Variants in NCOA1 observed in about 807,000 individuals in gnomAD.
NCOA1 encodes nuclear receptor coactivator 1, also known as Hin-2 protein.
In NCOA1, 35 loss-of-function variants were observed where a neutral mutation model predicts 150.9. The observed-to-expected ratio is 0.23, with a 90% confidence interval of 0.18 to 0.31. The LOEUF (loss-of-function observed/expected upper bound fraction) is 0.31, where lower values mean the gene tolerates loss of function less well. Ranked by LOEUF, NCOA1 falls within the 10% of genes least tolerant of loss-of-function variation. The pLI, the probability that NCOA1 is intolerant of heterozygous loss-of-function variation, is 1.00. For missense variants in NCOA1, 1,491 were observed against 1,749.3 expected, an observed-to-expected ratio of 0.85 and a Z score of 2.63; for synonymous variants, 590 against 630.0, an observed-to-expected ratio of 0.94 and a Z score of 0.95.
At position 24,691,597 on chromosome 2, in the gene NCOA1, C is replaced by T. The variant is rs1028453777; in HGVS notation, c.649C>T (p.Arg217Cys). 1.6e-5 allele frequency: 26 copies of T among 1,613,906 alleles called. No individual in the cohort carries two copies. Among genetic ancestry groups the T allele is most frequent in the Non-Finnish European group, 2.2e-5 (26 of 1,179,982 alleles). Residue 217 changes from arginine (R) to cysteine (C), a missense_variant, in exon 9 of 23, where the codon CGT becomes TGT. Around this residue, in one of 8 missense-constraint regions of NCOA1, gnomAD observed 99 missense variants for 122.8 expected, o/e 0.81. Transcript: ENST00000348332. ...GACCGAGAACCAAGAAGCTTGCCAG[C>T]GTTATGAAGTAATGCAGTGTTTCAC... ...PGTENQEACQ[R>C]YEVMQCFTVS...
In NCOA1 at chr2:24,683,350, A is replaced by G. The variant is rs569916238; in HGVS notation, c.532+222A>G. ...AGTATTCCTTTCAGCTTCTTCCTTTATACTGTGTGAATTGTTTTCAATTTT... is the reference window on the plus strand; with the variant it reads ...AGTATTCCTTTCAGCTTCTTCCTTTGTACTGTGTGAATTGTTTTCAATTTT... On this transcript the variant is annotated intron_variant, in intron 8 of 22. Coordinates refer to ENST00000348332, the MANE Select transcript of NCOA1 (RefSeq NM_003743.5). 2.6e-5 allele frequency among the ~76,000 whole-genome samples: 4 copies of G among 152,256 alleles called. No individual in the cohort carries two copies. In the East Asian group the frequency reaches 7.7e-4, roughly 29 times the overall value.
chr2:24,672,773 A>G (rs1198686960), intron 6 of NCOA1, among the ~76,000 whole-genome samples: 1 of 152,236 alleles, frequency 6.6e-6, no homozygotes, highest in East Asian at 1.9e-4. Context: ...TTGGTTAACT[A>G]GTCTGACAGA....
At chr2:24,509,804 G>T (rs542797268) in intron 1 of NCOA1, among the ~76,000 whole-genome samples, 1 of 152,100 alleles carries the variant, frequency 6.6e-6, no homozygotes, top group South Asian at 2.1e-4. Context: ...TTTCTAAAAG[G>T]ACAAATATTT....
At chr2:24,737,805 C>G in intron 17 of NCOA1, among the ~76,000 whole-genome samples, 1 of 152,314 alleles carries the variant, frequency 6.6e-6, no homozygotes, top group African/African-American at 2.4e-5. Context: ...CAATAGGGAA[C>G]GGAACTCCTA....
intron 3 of NCOA1, among the ~76,000 whole-genome samples, chr2:24,593,152 G>A (rs1035007039): frequency 6.6e-6 from 1 of 152,258 alleles, no homozygotes; most frequent in African/African-American, 2.4e-5. Flanking sequence ...CAGAGGGCCA[G>A]AGTAAGTAAT....
intron 7 of NCOA1, among the ~76,000 whole-genome samples, chr2:24,678,344 A>T (rs1346424497): frequency 1.3e-5 from 2 of 152,210 alleles, no homozygotes; most frequent in African/African-American, 4.8e-5. Flanking sequence ...TGCTGTGATG[A>T]ACATACATGT....
chr2:24,747,134 G>GTCA (rs1034542074), intron 19 of NCOA1, among the ~76,000 whole-genome samples: 4 of 151,706 alleles, frequency 2.6e-5, no homozygotes, highest in Admixed American at 6.6e-5. Flanking sequence ...CCACAAAAAA[G>GTCA]TCATCTTCTA....
At position 24,672,534 on chromosome 2, in the gene NCOA1, A is replaced by G. The variant is rs115610508; in HGVS notation, c.257-832A>G. ...CTCACCCTCCTGAGTAGCTAGGATT[A>G]CAAGCATGCACCACCACACCTAGCT... On this transcript the variant is annotated intron_variant, in intron 6 of 22. Transcript: ENST00000348332. Among the ~76,000 whole-genome samples the G allele has an allele frequency of 8.6e-3, 1,306 of 152,182 alleles. 6 individuals carry two copies. Among genetic ancestry groups the G allele is most frequent in the Non-Finnish European group, 0.015 (1,014 of 67,996 alleles).
intron 3 of NCOA1, among the ~76,000 whole-genome samples, chr2:24,586,449 T>C (rs1421007062): frequency 6.6e-6 from 1 of 151,980 alleles, no homozygotes; most frequent in Non-Finnish European, 1.5e-5. Context: ...TGCAGTGGCA[T>C]GATCTGGGCT....
At position 24,628,168 on chromosome 2, in the gene NCOA1, C is replaced by T. The variant is rs553936365; in HGVS notation, c.-174-15798C>T. Among the ~76,000 whole-genome samples the T allele has an allele frequency of 8.5e-5, 13 of 152,096 alleles. No homozygotes were observed. In the South Asian group the frequency reaches 1.9e-3, roughly 22 times the overall value. ...TACAAAAATTAGCTGGGTGTGGTGG[C>T]GGACGCCTGTAACTCCAGCTACTTG... On this transcript the variant is annotated intron_variant, in intron 3 of 22. Transcript: ENST00000348332.
At chr2:24,711,288 A>AT in intron 14 of NCOA1, 177 bp downstream of exon 14, 1 of 571,706 alleles carries the variant, frequency 1.7e-6, no homozygotes, top group Non-Finnish European at 2.8e-6. Flanking sequence ...CATCATGTGT[A>AT]TTTTAAATTA....
intron 17 of NCOA1, among the ~76,000 whole-genome samples, chr2:24,739,131 TG>T (rs1427805997): frequency 6.6e-5 from 10 of 152,140 alleles, no homozygotes; most frequent in South Asian, 2.1e-4. Flanking sequence ...ACTATTAACA[TG>T]TTTTTTTGTT....
intron 1 of NCOA1, chr2:24,492,152 G>C (rs1299216883): frequency 3.9e-5 from 6 of 152,192 alleles, no homozygotes. Flanking sequence ...ACCCCGGCGC[G>C]CTTGCTCGCC....
At chr2:24,718,559 C>T (rs145884866) in intron 14 of NCOA1, among the ~76,000 whole-genome samples, 239 of 152,004 alleles carry the variant, frequency 1.6e-3, no homozygotes, top group Middle Eastern at 6.8e-3. Context: ...TGGGTGGGCG[C>T]GGTGGCTCAC....
chr2:24,580,816 T>G (rs1558810279), intron 2 of NCOA1, among the ~76,000 whole-genome samples: 1 of 152,186 alleles, frequency 6.6e-6, no homozygotes, highest in Admixed American at 6.5e-5. Flanking sequence ...TCATTCTGTT[T>G]GAGATATTCC....
chr2:24,553,633 G>A (rs1299516767), intron 1 of NCOA1, among the ~76,000 whole-genome samples: 2 of 152,074 alleles, frequency 1.3e-5, no homozygotes, highest in Non-Finnish European at 2.9e-5. Flanking sequence ...TGCATTCTTG[G>A]GATAAATGGC....
intron 2 of NCOA1, among the ~76,000 whole-genome samples, chr2:24,567,424 C>G (rs1468025417): frequency 6.6e-6 from 1 of 151,996 alleles, no homozygotes; most frequent in East Asian, 1.9e-4. Context: ...AAGAATGAGT[C>G]TAGATATGGG....
rs55985797 is a variant in NCOA1 at position 24,741,256 on chromosome 2, T to C, written c.3304-528T>C. Among the ~76,000 whole-genome samples the C allele has an allele frequency of 5.7e-3, 873 of 152,298 alleles. 6 individuals carry two copies. Among genetic ancestry groups the C allele is most frequent in the African/African-American group, 0.02 (827 of 41,572 alleles). ...TAAAATCACCTATAATCACATGTTATTCATTTAAATAAACTGGGATAATGT... is the reference window on the plus strand; with the variant it reads ...TAAAATCACCTATAATCACATGTTACTCATTTAAATAAACTGGGATAATGT... On this transcript the variant is annotated intron_variant, in intron 18 of 22. Coordinates refer to ENST00000348332, the MANE Select transcript of NCOA1 (RefSeq NM_003743.5).
chr2:24,523,628 A>AAAAAAAAAAAAAAAAAAAAAC (rs1664523257), intron 1 of NCOA1, among the ~76,000 whole-genome samples: 1 of 129,858 alleles, frequency 7.7e-6, no homozygotes, highest in Non-Finnish European at 1.7e-5. Flanking sequence ...AAAAAAAAAA[A>AAAAAAAAAAAAAAAAAAAAAC]AAGAAACTGG....
Sources: gnomAD v4.1 joint callset for allele counts (sites outside exome capture counted in the v4.1 genomes callset) on GRCh38, gnomAD v4.1.1 for gene constraint, gnomAD v4.1.1 regional missense constraint, MANE v1.5 for transcripts, NCBI Gene and HGNC (gene_info 2026-07-23, HGNC 2026-07-21) for gene names.